MGAM2: variants seen among roughly 807,000 people sequenced by gnomAD.
The protein encoded by MGAM2 is probable maltase-glucoamylase 2.
In MGAM2, 98 loss-of-function variants were observed where a neutral mutation model predicts 96.1. The observed-to-expected ratio is 1.02, with a 90% CI of 0.87 to 1.21. The LOEUF is 1.21. Among genes scored for constraint, MGAM2 ranks in the 50% most tolerant of loss-of-function variants. The probability of loss-of-function intolerance (pLI) is 0.00; values close to 1 mark genes in which losing one functional copy is unlikely to be tolerated. For missense variants in MGAM2, 2,055 were observed against 1,182.4 expected (o/e 1.74, Z -10.82); for synonymous variants, 749 against 414.8 (o/e 1.81, Z -9.79).
At chr7:142,160,837 G>A (rs1795866619) in intron 21 of MGAM2, among the ~76,000 whole-genome samples, 1 of 152,190 alleles carries the variant, frequency 6.6e-6, no homozygotes, top group South Asian at 2.1e-4. Context: ...TTAGAAGAGT[G>A]CCTGGCACAT....
chr7:142,126,486 A>AT (rs572146266), intron 3 of MGAM2, among the ~76,000 whole-genome samples: 3,795 of 144,792 alleles, frequency 0.026, 126 homozygotes, highest in African/African-American at 0.077. Flanking sequence ...CATTTGGGCA[A>AT]TTTTTTTTTT....
chr7:142,140,983 T>A, intron 11 of MGAM2, 38 bp from the exon 12 acceptor site: 3 of 691,228 alleles, frequency 4.3e-6, no homozygotes, highest in Non-Finnish European at 7.9e-6. Flanking sequence ...GTGCAAAAAA[T>A]TTATGAAAAT....
rs931150756 is a variant in MGAM2, at chr7:142,175,508, A to G, written c.3688-144A>G. On this transcript the variant is annotated intron_variant, in intron 31 of 47. Transcript: ENST00000477922. ...CAATCTGCAGAATTGAAAAGTCAGC[A>G]GAGGGAAGTAATGAGATGAGGAATG... 2.0e-4 allele frequency: 117 copies of G among 585,934 alleles called. 1 individual carries two copies. Among genetic ancestry groups the G allele is most frequent in the Admixed American group, 1.9e-3 (61 of 31,738 alleles). 36.3% of individuals were successfully genotyped at this position (585,934 alleles called of 1,614,324 possible).
At chr7:142,183,753 T>C (rs1164445914) in intron 33 of MGAM2, among the ~76,000 whole-genome samples, 1 of 152,172 alleles carries the variant, frequency 6.6e-6, no homozygotes, top group Admixed American at 6.6e-5. Flanking sequence ...AAATGAATCA[T>C]TAAGTCCTAT....
At chr7:142,116,435 A>G (rs1348915353) in intron 1 of MGAM2, among the ~76,000 whole-genome samples, 2 of 152,236 alleles carry the variant, frequency 1.3e-5, no homozygotes, top group African/African-American at 4.8e-5. Flanking sequence ...GGCAGTTGAA[A>G]GAAGAAGACT....
chr7:142,197,554 T>TAC lies in MGAM2; in HGVS notation c.4781+8_4781+9dup, dbSNP rs1258496716. ...GTCCGGCCCCTTCTCCATGAGTGAGTACAGCCTCTTTCCCCAAGCATGTCT... is the reference window on the plus strand; with the variant it reads ...GTCCGGCCCCTTCTCCATGAGTGAGTACACAGCCTCTTTCCCCAAGCATGTCT... On this transcript the variant is annotated splice_region_variant and intron_variant, in intron 41 of 47. Transcript: ENST00000477922. 1 of 703,130 alleles carries TAC rather than the reference T, an allele frequency of 1.4e-6. No homozygotes were observed. Among genetic ancestry groups the TAC allele is most frequent in the Non-Finnish European group, 2.6e-6 (1 of 385,000 alleles). 43.6% of individuals were successfully genotyped at this position (703,130 alleles called of 1,614,324 possible).
intron 45 of MGAM2, among the ~76,000 whole-genome samples, chr7:142,208,018 C>G (rs998798380): frequency 1.3e-5 from 2 of 152,112 alleles, no homozygotes; most frequent in Admixed American, 1.3e-4. Context: ...CAATTTTAAG[C>G]ACTTATTGTG....
chr7:142,172,713 C>A lies in MGAM2; in HGVS notation c.3510C>A (p.Phe1170Leu), dbSNP rs756880129. 5.7e-6 allele frequency: 4 copies of A among 704,740 alleles called. 1 individual carries two copies. The highest frequency in any genetic ancestry group is 3.0e-5 in the South Asian group (2 of 67,620). The allele number at this position is 704,740 out of a possible 1,614,324, so 43.7% of individuals were successfully genotyped here. A position where few individuals can be genotyped will look rare whatever the true frequency, so the allele number is the denominator to read the frequency against. Reference sequence around the variant, plus strand: ...GCACCACAGGAGGGATTTTGGACTTCTACATTGTTTTGGGGCCAACCCCTG... The same window carrying A: ...GCACCACAGGAGGGATTTTGGACTTATACATTGTTTTGGGGCCAACCCCTG... ...TYRTTGGILD[F>L]YIVLGPTPEL... Residue 1170 changes from phenylalanine to leucine, a missense_variant, in exon 30 of 48, where the codon TTC (phenylalanine) becomes TTA (leucine). Phe to Leu is a conservative substitution (Grantham distance 22). Coordinates refer to ENST00000477922, the MANE Select transcript of MGAM2 (RefSeq NM_001293626.2).
chr7:142,211,297 A>G (rs1028334207), intron 46 of MGAM2, among the ~76,000 whole-genome samples: 1 of 152,220 alleles, frequency 6.6e-6, no homozygotes, highest in Non-Finnish European at 1.5e-5. Flanking sequence ...CCAAAGGATC[A>G]CAACTCCTCA....
chr7:142,200,166 C>A (rs1360657178), intron 45 of MGAM2, among the ~76,000 whole-genome samples, 198 bp downstream of exon 45: 2 of 152,132 alleles, frequency 1.3e-5, no homozygotes, highest in Non-Finnish European at 1.5e-5. Flanking sequence ...CAGTCCCCAG[C>A]TTTGTAGGTT....
At chr7:142,123,192 AC>A (rs1462249086) in intron 3 of MGAM2, among the ~76,000 whole-genome samples, 1 of 148,540 alleles carries the variant, frequency 6.7e-6, no homozygotes, top group Non-Finnish European at 1.5e-5. Flanking sequence ...TTCTGTATCC[AC>A]CCTACTCTTG....
At chr7:142,211,451 G>A (rs1797580012) in intron 46 of MGAM2, among the ~76,000 whole-genome samples, 1 of 152,162 alleles carries the variant, frequency 6.6e-6, no homozygotes, top group Non-Finnish European at 1.5e-5. Context: ...TTGATAAAAG[G>A]TTAGAGGAAT....
chr7:142,150,961 A>G (rs181989904), intron 15 of MGAM2, among the ~76,000 whole-genome samples: 1 of 152,290 alleles, frequency 6.6e-6, no homozygotes, highest in East Asian at 1.9e-4. Context: ...ATGCTTATCT[A>G]TAAAACCTCA....
chr7:142,179,020 G>A (rs917616246), intron 32 of MGAM2, among the ~76,000 whole-genome samples: 1 of 151,886 alleles, frequency 6.6e-6, no homozygotes, highest in Admixed American at 6.6e-5. Context: ...TATCCTTTCT[G>A]TTGTTGTCGT....
intron 7 of MGAM2, among the ~76,000 whole-genome samples, chr7:142,134,986 G>A (rs1795013524): frequency 6.6e-6 from 1 of 152,122 alleles, no homozygotes; most frequent in South Asian, 2.1e-4. Flanking sequence ...GTGGCTGACT[G>A]ATAACAAAGG....
chr7:142,217,094 C>T (rs1484175235), intron 46 of MGAM2, among the ~76,000 whole-genome samples: 2 of 152,172 alleles, frequency 1.3e-5, no homozygotes, highest in Admixed American at 1.3e-4. Flanking sequence ...TGACCCTCTT[C>T]CTCCCATGTA....
intron 15 of MGAM2, 68 bp downstream of exon 15, chr7:142,147,641 T>A (rs1795427988): frequency 1.5e-6 from 1 of 648,070 alleles, no homozygotes; most frequent in Non-Finnish European, 2.7e-6. Flanking sequence ...AGGTTTTTCT[T>A]CTGTTCTATA....
intron 10 of MGAM2, among the ~76,000 whole-genome samples, chr7:142,139,886 A>T (rs1482837702): frequency 6.6e-6 from 1 of 151,842 alleles, no homozygotes; most frequent in Non-Finnish European, 1.5e-5. Context: ...CATATCTATT[A>T]TCTGCAAACA....
At chr7:142,141,162 G>C (rs756783448) in intron 12 of MGAM2, 43 bp downstream of exon 12, 21 of 686,886 alleles carry the variant, frequency 3.1e-5, no homozygotes, top group Non-Finnish European at 7.9e-6. Flanking sequence ...ATTGTTTTGG[G>C]GAGTTGTACT....
Sources: allele counts gnomAD v4.1 joint callset (sites outside exome capture counted in the v4.1 genomes callset), GRCh38; gene constraint gnomAD v4.1.1; transcripts MANE v1.5; gene names NCBI Gene and HGNC (gene_info 2026-07-23, HGNC 2026-07-21).